Variants in ASB5 observed in about 807,000 individuals in gnomAD.
ASB5 encodes the protein ankyrin repeat and SOCS box containing 5.
ASB5 carries 45 observed loss-of-function variants against 42.1 expected under a neutral mutation model. The ratio of observed to expected loss-of-function variants is 1.07; its 90% CI spans 0.84 to 1.37. ASB5 has a LOEUF of 1.37. Among genes scored for constraint, ASB5 ranks in the 40% most tolerant of loss-of-function variants. The pLI is 0.00. For missense variants in ASB5, 402 were observed against 399.8 expected (o/e 1.01, Z -0.05); for synonymous variants, 147 against 150.6 (o/e 0.98, Z 0.18).
intron 1 of ASB5, among the ~76,000 whole-genome samples, chr4:176,245,014 C>A (rs1360962069): frequency 6.6e-6 from 1 of 152,096 alleles, no homozygotes; most frequent in Non-Finnish European, 1.5e-5. Flanking sequence ...TCAGTCACCA[C>A]CCTCTTTATA....
At chr4:176,249,862 G>A (rs995199742) in intron 1 of ASB5, among the ~76,000 whole-genome samples, 7 of 151,936 alleles carry the variant, frequency 4.6e-5, no homozygotes, top group Non-Finnish European at 8.8e-5. Flanking sequence ...TCAGGAGATG[G>A]AGACCATCCT....
intron 1 of ASB5, among the ~76,000 whole-genome samples, chr4:176,232,128 CTT>C (rs1183365897): frequency 2.0e-5 from 2 of 98,396 alleles, no homozygotes. Context: ...TATATATATA[CTT>C]TTTTTTTTTG....
In ASB5 at chr4:176,215,490, A is replaced by T; in HGVS notation, c.*110T>A. On this transcript the variant is annotated 3_prime_UTR_variant, in exon 7 of 7. Transcript: ENST00000296525. ...TGATATTTTACTGCTTCCCTGGGTG[A>T]TCTCACACTCACTTTTATCCTATCT... 8.9e-7 allele frequency: 1 copy of T among 1,121,862 alleles called. No homozygotes were observed. The highest frequency in any genetic ancestry group is 1.7e-5 in the South Asian group (1 of 58,392). The allele number at this position is 1,121,862 out of a possible 1,614,324, so 69.5% of individuals were successfully genotyped here. A position where few individuals can be genotyped will look rare whatever the true frequency, so the allele number is the denominator to read the frequency against.
chr4:176,243,129 A>T (rs1431114309), intron 1 of ASB5, among the ~76,000 whole-genome samples: 1 of 152,194 alleles, frequency 6.6e-6, no homozygotes, highest in Non-Finnish European at 1.5e-5. Flanking sequence ...TTTTACAGGA[A>T]AAGTGTGCCA....
At chr4:176,222,261 G>T in intron 3 of ASB5, 52 bp downstream of exon 3, 1 of 1,473,494 alleles carries the variant, frequency 6.8e-7, no homozygotes, top group Non-Finnish European at 9.5e-7. Flanking sequence ...AACTCTGTTG[G>T]ATTCCCTCCG....
At chr4:176,223,525 T>A (rs888355237) in intron 2 of ASB5, among the ~76,000 whole-genome samples, 1 of 152,244 alleles carries the variant, frequency 6.6e-6, no homozygotes, top group Admixed American at 6.5e-5. Flanking sequence ...TTTCATTGTC[T>A]ATTGACAATC....
intron 1 of ASB5, among the ~76,000 whole-genome samples, chr4:176,226,057 A>G (rs977188630): frequency 1.3e-5 from 2 of 152,218 alleles, no homozygotes; most frequent in African/African-American, 2.4e-5. Flanking sequence ...GTGATGGTAA[A>G]TTTCAGGTGT....
chr4:176,249,841 G>A lies in ASB5; in HGVS notation c.196+19072C>T, dbSNP rs548233714. On this transcript the variant is annotated intron_variant, in intron 1 of 6. Coordinates refer to ENST00000296525, the MANE Select transcript of ASB5 (RefSeq NM_080874.4). ...CGCACTTTGGGAGGCCGAGGCGGGT[G>A]GATCACGAGGTCAGGAGATGGAGAC... Among the ~76,000 whole-genome samples the A allele has an allele frequency of 7.9e-5, 12 of 152,016 alleles. No homozygotes were observed. In the South Asian group the frequency reaches 1.2e-3, roughly 16 times the overall value.
At chr4:176,224,510 C>T (rs1309788217) in intron 2 of ASB5, among the ~76,000 whole-genome samples, 2 of 149,228 alleles carry the variant, frequency 1.3e-5, no homozygotes, top group Non-Finnish European at 3.0e-5. Context: ...GTTGGAATTA[C>T]AGGCGTGAGC....
intron 5 of ASB5, among the ~76,000 whole-genome samples, chr4:176,218,224 A>T (rs13144388): frequency 0.44 from 11,238 of 25,578 alleles, 4,445 homozygotes; most frequent in East Asian, 0.61. Flanking sequence ...GTATGATATA[A>T]ATATATATAT....
chr4:176,216,190 G>A lies in ASB5; in HGVS notation c.863-463C>T, dbSNP rs948933350. 4.6e-5 allele frequency among the ~76,000 whole-genome samples: 7 copies of A among 152,004 alleles called. No individual in the cohort carries two copies. In the East Asian group the frequency reaches 5.8e-4, roughly 13 times the overall value. The stretch of plus-strand genomic sequence containing the variant: ...TTTACTAATTTTATTTCTATAATAT[G>A]TTATAGAAGGTTCATGTCCTTATAA... On this transcript the variant is annotated intron_variant, in intron 6 of 6. Coordinates refer to ENST00000296525, the MANE Select transcript of ASB5 (RefSeq NM_080874.4).
intron 1 of ASB5, among the ~76,000 whole-genome samples, chr4:176,265,616 G>A (rs2126978802): frequency 6.6e-6 from 1 of 152,168 alleles, no homozygotes; most frequent in East Asian, 1.9e-4. Context: ...GCCCTTAACA[G>A]AAGAGAAGAG....
At chr4:176,268,274 C>T (rs984958765) in intron 1 of ASB5, among the ~76,000 whole-genome samples, 1 of 152,154 alleles carries the variant, frequency 6.6e-6, no homozygotes, top group Non-Finnish European at 1.5e-5. Context: ...CATGGATGCA[C>T]TTGGCTGCAC....
intron 1 of ASB5, among the ~76,000 whole-genome samples, chr4:176,230,527 GTTAT>G (rs1753512797): frequency 6.6e-6 from 1 of 152,058 alleles, no homozygotes; most frequent in Admixed American, 6.6e-5. Context: ...TTATGTCCCT[GTTAT>G]TTATTTTCTT....
rs570413934 is a variant in ASB5 at position 176,226,028 on chromosome 4, G to A, written c.197-687C>T. On this transcript the variant is annotated intron_variant, in intron 1 of 6. Transcript: ENST00000296525. Reference sequence around the variant, plus strand: ...TTAAGAAGATGCATATAGGTGCCACGTTGACAAGGGATGGATTAGTGATGG... The same window carrying A: ...TTAAGAAGATGCATATAGGTGCCACATTGACAAGGGATGGATTAGTGATGG... Among the ~76,000 whole-genome samples, 21 of 152,348 alleles carry A rather than the reference G, an allele frequency of 1.4e-4. No individual in the cohort carries two copies. In the South Asian group the frequency reaches 3.9e-3, roughly 29 times the overall value.
rs149292264 is a variant in ASB5 at position 176,215,904 on chromosome 4, T to C, written c.863-177A>G. On this transcript the variant is annotated intron_variant, in intron 6 of 6. Transcript: ENST00000296525. The stretch of plus-strand genomic sequence containing the variant: ...TATATTGCTTTTATTTATAAGATCT[T>C]ATTATAATTGAGATATATTCCATAT... Among the ~76,000 whole-genome samples, 1,157 of 152,276 alleles carry C rather than the reference T, an allele frequency of 7.6e-3. 11 individuals are homozygous for C. The highest frequency in any genetic ancestry group is 0.026 in the African/African-American group (1,086 of 41,572).
intron 1 of ASB5, among the ~76,000 whole-genome samples, chr4:176,268,211 T>A (rs187306361): frequency 6.2e-4 from 95 of 152,320 alleles, no homozygotes; most frequent in Admixed American, 2.1e-3. Flanking sequence ...TTCTGAAGTC[T>A]ATGGGTAATA....
intron 2 of ASB5, among the ~76,000 whole-genome samples, chr4:176,222,909 C>T (rs6832441): frequency 0.22 from 32,759 of 151,138 alleles, 3,651 homozygotes; most frequent in East Asian, 0.29. Flanking sequence ...TCCCGAGTAG[C>T]TGGGACTACA....
chr4:176,236,044 G>A lies in ASB5; in HGVS notation c.197-10703C>T, dbSNP rs182545717. Among the ~76,000 whole-genome samples, 148 of 151,438 alleles carry A rather than the reference G, an allele frequency of 9.8e-4. 3 individuals are homozygous for A. In the Middle Eastern group the frequency reaches 0.031, roughly 31 times the overall value. Reference sequence around the variant, plus strand: ...ATTTTCAGTATATTTAAGGCATGTCGAAAAAAAATTGTATAGAAAATTAGA... The same window carrying A: ...ATTTTCAGTATATTTAAGGCATGTCAAAAAAAAATTGTATAGAAAATTAGA... On this transcript the variant is annotated intron_variant, in intron 1 of 6. Coordinates refer to ENST00000296525, the MANE Select transcript of ASB5 (RefSeq NM_080874.4).
Sources: allele counts gnomAD v4.1 joint callset (sites outside exome capture counted in the v4.1 genomes callset), GRCh38; gene constraint gnomAD v4.1.1; transcripts MANE v1.5; gene names NCBI Gene and HGNC (gene_info 2026-07-23, HGNC 2026-07-21).